The following PIGL variants were observed in gnomAD, a reference collection of about 807,000 sequenced individuals.
PIGL encodes N-acetylglucosaminyl-phosphatidylinositol de-N-acetylase.
Under a neutral mutation model 31.1 loss-of-function variants are expected in PIGL, and 22 were observed. The observed-to-expected ratio is 0.71, with a 90% confidence interval of 0.51 to 1.01. The LOEUF (loss-of-function observed/expected upper bound fraction) is 1.01, where lower values mean the gene tolerates loss of function less well. Ranked by LOEUF, PIGL falls within the 50% of genes least tolerant of loss-of-function variation. The pLI is 0.00. For synonymous variants in PIGL, 131 were observed against 117.4 expected, an observed-to-expected ratio of 1.12 and a Z score of -0.75; for missense variants, 302 against 315.9, an observed-to-expected ratio of 0.96 and a Z score of 0.33.
At chr17:16,269,492 A>G (rs959893247) in intron 2 of PIGL, among the ~76,000 whole-genome samples, 2 of 152,094 alleles carry the variant, frequency 1.3e-5, no homozygotes, top group African/African-American at 4.8e-5. Flanking sequence ...TACTAAAAAT[A>G]CAAAAAAAAT....
intron 2 of PIGL, among the ~76,000 whole-genome samples, chr17:16,266,318 G>A (rs2092842485): frequency 6.8e-6 from 1 of 146,448 alleles, no homozygotes; most frequent in Admixed American, 7.1e-5. Flanking sequence ...GAACCTGAGA[G>A]AGGGAGCTTG....
At chr17:16,311,914 C>G (rs1283234486) in intron 3 of PIGL, among the ~76,000 whole-genome samples, 3 of 152,208 alleles carry the variant, frequency 2.0e-5, no homozygotes, top group Non-Finnish European at 4.4e-5. Context: ...ACCTTTCCCC[C>G]TTTTCTATTC....
At chr17:16,325,128 T>G (rs1400476343) in intron 6 of PIGL, among the ~76,000 whole-genome samples, 1 of 151,866 alleles carries the variant, frequency 6.6e-6, no homozygotes, top group Non-Finnish European at 1.5e-5. Flanking sequence ...GGCAGATCAC[T>G]AGGTCAGGAG....
intron 3 of PIGL, among the ~76,000 whole-genome samples, chr17:16,309,292 C>T (rs564721890): frequency 6.6e-6 from 1 of 152,244 alleles, no homozygotes; most frequent in African/African-American, 2.4e-5. Context: ...AACGCTTAAC[C>T]ATCTCATAGA....
chr17:16,225,858 G>T (rs912894275), intron 1 of PIGL, among the ~76,000 whole-genome samples: 1 of 152,006 alleles, frequency 6.6e-6, no homozygotes, highest in African/African-American at 2.4e-5. Flanking sequence ...GAAACAAATT[G>T]TCTCAAGACC....
chr17:16,232,760 T>G (rs2092684037), intron 1 of PIGL, among the ~76,000 whole-genome samples: 1 of 134,594 alleles, frequency 7.4e-6, no homozygotes. Flanking sequence ...ACAAAATAGT[T>G]TATGACTTAA....
intron 1 of PIGL, among the ~76,000 whole-genome samples, chr17:16,227,432 A>G (rs1292694068): frequency 1.3e-5 from 2 of 152,072 alleles, no homozygotes; most frequent in Admixed American, 1.3e-4. Context: ...TTTCATTAGT[A>G]AGAGTCGATA....
chr17:16,311,989 G>A (rs1367599823), intron 3 of PIGL, among the ~76,000 whole-genome samples: 1 of 152,052 alleles, frequency 6.6e-6, no homozygotes, highest in Non-Finnish European at 1.5e-5. Flanking sequence ...TCCCAGACGG[G>A]GTGGTGGCCG....
At chr17:16,250,775 A>C (rs980253182) in intron 2 of PIGL, among the ~76,000 whole-genome samples, 1 of 152,204 alleles carries the variant, frequency 6.6e-6, no homozygotes, top group African/African-American at 2.4e-5. Flanking sequence ...TCTTACAGAG[A>C]CACAGTGGGA....
chr17:16,252,517 G>A (rs1353599020), intron 2 of PIGL, among the ~76,000 whole-genome samples: 2 of 151,260 alleles, frequency 1.3e-5, no homozygotes, highest in Non-Finnish European at 2.9e-5. Flanking sequence ...AATTCCACAT[G>A]AATCTGTGTA....
At chr17:16,301,106 A>C (rs2093002522) in intron 3 of PIGL, among the ~76,000 whole-genome samples, 1 of 152,090 alleles carries the variant, frequency 6.6e-6, no homozygotes, top group African/African-American at 2.4e-5. Flanking sequence ...TGAAAACATG[A>C]ATCCTGCTGG....
At chr17:16,221,511 G>T (rs1157157961) in intron 1 of PIGL, among the ~76,000 whole-genome samples, 2 of 150,088 alleles carry the variant, frequency 1.3e-5, no homozygotes, top group Non-Finnish European at 3.0e-5. Flanking sequence ...GTGCAATGGC[G>T]CAATCTTGGG....
At chr17:16,232,711 A>C (rs1212401127) in intron 1 of PIGL, among the ~76,000 whole-genome samples, 2 of 151,736 alleles carry the variant, frequency 1.3e-5, no homozygotes, top group Non-Finnish European at 2.9e-5. Flanking sequence ...AAAATGGGAG[A>C]GGGTATGTGT....
intron 6 of PIGL, among the ~76,000 whole-genome samples, chr17:16,324,835 C>T (rs1315310325): frequency 6.6e-6 from 1 of 152,086 alleles, no homozygotes; most frequent in African/African-American, 2.4e-5. Flanking sequence ...CTGAACTATA[C>T]TAGGTCTGAA....
At chr17:16,265,796 A>G (rs1431594078) in intron 2 of PIGL, among the ~76,000 whole-genome samples, 1 of 151,884 alleles carries the variant, frequency 6.6e-6, no homozygotes, top group Non-Finnish European at 1.5e-5. Context: ...TAATAGTCTC[A>G]ACAAGTTAAG....
chr17:16,231,174 A>G lies in PIGL; in HGVS notation c.236-2797A>G, dbSNP rs533857269. ...TGTGCCCGCCTTCCAAAGTGCTAGG[A>G]GCTGGGATTACAGGCATGAGCCACC... On this transcript the variant is annotated intron_variant, in intron 1 of 6. Transcript: ENST00000225609. 3.6e-5 allele frequency among the ~76,000 whole-genome samples: 5 copies of G among 138,676 alleles called. No homozygotes were observed. The South Asian group carries it at 1.1e-3, about 31-fold the overall frequency. The allele number at this position is 138,676 out of a possible 152,430, so 91.0% of individuals were successfully genotyped here. A position where few individuals can be genotyped will look rare whatever the true frequency, so the allele number is the denominator to read the frequency against.
intron 1 of PIGL, among the ~76,000 whole-genome samples, chr17:16,222,341 C>A (rs1043422745): frequency 1.3e-5 from 2 of 151,746 alleles, no homozygotes; most frequent in Non-Finnish European, 2.9e-5. Context: ...GTAAAGGCAT[C>A]AGTAACTCTT....
chr17:16,236,881 T>C (rs1167314331), intron 2 of PIGL, among the ~76,000 whole-genome samples: 2 of 151,930 alleles, frequency 1.3e-5, no homozygotes, highest in Non-Finnish European at 2.9e-5. Context: ...TATAGTGTTA[T>C]TATTTCTCAT....
intron 3 of PIGL, among the ~76,000 whole-genome samples, chr17:16,304,655 A>G (rs1030921628): frequency 2.0e-5 from 3 of 152,186 alleles, no homozygotes; most frequent in Non-Finnish European, 2.9e-5. Context: ...CCATCCTTGG[A>G]AAGCAGCCTA....
Sources: allele counts gnomAD v4.1 joint callset (sites outside exome capture counted in the v4.1 genomes callset), GRCh38; gene constraint gnomAD v4.1.1; transcripts MANE v1.5; gene names NCBI Gene and HGNC (gene_info 2026-07-23, HGNC 2026-07-21).